The following CAMTA1 variants were observed in gnomAD, a reference collection of about 807,000 sequenced individuals.
CAMTA1 encodes calmodulin binding transcription activator 1.
CAMTA1 carries 27 observed loss-of-function variants against 170.9 expected under a neutral mutation model. The observed-to-expected ratio is 0.16, with a 90% CI of 0.12 to 0.22. CAMTA1 has a LOEUF of 0.22. Ranked by LOEUF, CAMTA1 falls within the 10% of genes least tolerant of loss-of-function variation. The pLI, the probability that CAMTA1 is intolerant of heterozygous loss-of-function variation, is 1.00. For missense variants in CAMTA1, 1,619 were observed against 2,217.2 expected (o/e 0.73, Z 5.42); for synonymous variants, 833 against 891.5 (o/e 0.93, Z 1.17).
At chr1:6,879,271 C>A (rs77773844) in intron 3 of CAMTA1, among the ~76,000 whole-genome samples, 12,105 of 152,182 alleles carry the variant, frequency 0.08, 718 homozygotes, top group East Asian at 0.25. Context: ...ACCCACAAGA[C>A]CCTGTGATGT....
chr1:7,607,970 A>G (rs1011050160), intron 6 of CAMTA1, among the ~76,000 whole-genome samples: 2 of 152,148 alleles, frequency 1.3e-5, no homozygotes, highest in Non-Finnish European at 2.9e-5. Flanking sequence ...CAGGTGTAGT[A>G]GAAGGTGTCC....
At chr1:7,021,868 C>T (rs548710337) in intron 3 of CAMTA1, among the ~76,000 whole-genome samples, 89 of 152,308 alleles carry the variant, frequency 5.8e-4, no homozygotes, top group African/African-American at 2.1e-3. Flanking sequence ...GCATTTCTTT[C>T]TGGGGTTTGA....
intron 3 of CAMTA1, among the ~76,000 whole-genome samples, chr1:6,894,896 G>T (rs913024206): frequency 1.3e-5 from 2 of 152,198 alleles, no homozygotes; most frequent in African/African-American, 4.8e-5. Context: ...TAAAAGCCTG[G>T]TAAAAGGAAG....
chr1:7,723,946 A>G (rs1027604540), intron 11 of CAMTA1, among the ~76,000 whole-genome samples: 1 of 152,108 alleles, frequency 6.6e-6, no homozygotes, highest in Non-Finnish European at 1.5e-5. Context: ...CAATCTCCCA[A>G]GTAGCTGGGA....
chr1:7,725,137 T>C (rs1004428895), intron 11 of CAMTA1, among the ~76,000 whole-genome samples: 1 of 152,138 alleles, frequency 6.6e-6, no homozygotes, highest in Non-Finnish European at 1.5e-5. Context: ...GTCAGAATGA[T>C]TGAGTTTTTG....
intron 3 of CAMTA1, among the ~76,000 whole-genome samples, chr1:6,854,743 T>C (rs1661665215): frequency 6.6e-6 from 1 of 152,100 alleles, no homozygotes; most frequent in African/African-American, 2.4e-5. Context: ...ACTAAATTAA[T>C]AGAGTAGAGC....
In CAMTA1 at chr1:7,195,621, C is replaced by T. The variant is rs918542583; in HGVS notation, c.303-53870C>T. Reference sequence around the variant, plus strand: ...GCACACTCACCTTCAGCCAGGTGCCCGCACTGCTCCTGAGACCACTCTGAC... The same window carrying T: ...GCACACTCACCTTCAGCCAGGTGCCTGCACTGCTCCTGAGACCACTCTGAC... On this transcript the variant is annotated intron_variant, in intron 4 of 22. Coordinates refer to ENST00000303635, the MANE Select transcript of CAMTA1 (RefSeq NM_015215.4). This position sits in a 1 kb window ranked among gnomAD's most constrained non-coding sequence, Gnocchi z 4.1. Among the ~76,000 whole-genome samples the T allele has an allele frequency of 8.5e-5, 13 of 152,192 alleles. No homozygotes were observed. Among genetic ancestry groups the T allele is most frequent in the East Asian group, 5.8e-4 (3 of 5,188 alleles).
At chr1:6,974,074 A>G (rs1426888457) in intron 3 of CAMTA1, among the ~76,000 whole-genome samples, 1 of 152,336 alleles carries the variant, frequency 6.6e-6, no homozygotes, top group East Asian at 1.9e-4. Context: ...GTCTGAAGAC[A>G]GACAGACAGG....
chr1:7,438,243 G>T (rs1211613316), intron 5 of CAMTA1, among the ~76,000 whole-genome samples: 1 of 152,162 alleles, frequency 6.6e-6, no homozygotes, highest in African/African-American at 2.4e-5. Flanking sequence ...CTTGAGACTG[G>T]GGTGAGGGGC....
intron 6 of CAMTA1, among the ~76,000 whole-genome samples, chr1:7,494,746 G>A (rs2093797941): frequency 6.6e-6 from 1 of 152,222 alleles, no homozygotes; most frequent in South Asian, 2.1e-4. Flanking sequence ...AGAGATTGCA[G>A]TGAGCAGAGA....
At chr1:7,072,231 T>C (rs1209147527) in intron 3 of CAMTA1, among the ~76,000 whole-genome samples, 2 of 152,212 alleles carry the variant, frequency 1.3e-5, no homozygotes, top group Non-Finnish European at 2.9e-5. Flanking sequence ...TGGGGGCTTA[T>C]ACCATCTTCC....
chr1:7,656,992 C>T (rs897378445), intron 7 of CAMTA1, among the ~76,000 whole-genome samples: 2 of 152,242 alleles, frequency 1.3e-5, no homozygotes, highest in African/African-American at 4.8e-5. Flanking sequence ...GATCCTCACA[C>T]AGGCCGCGCT....
chr1:7,297,407 C>A (rs1023640761), intron 5 of CAMTA1, among the ~76,000 whole-genome samples: 6 of 152,226 alleles, frequency 3.9e-5, no homozygotes, highest in African/African-American at 1.4e-4. Context: ...GTTCCTAAGG[C>A]CTGGCCTTTT....
chr1:7,694,926 C>G (rs879628772), intron 11 of CAMTA1: 1 of 152,170 alleles, frequency 6.6e-6, no homozygotes, highest in Non-Finnish European at 1.5e-5. Context: ...AATAATTCAC[C>G]CTTAAGGGAA....
intron 3 of CAMTA1, among the ~76,000 whole-genome samples, chr1:6,976,157 A>G (rs1026561264): frequency 3.3e-5 from 5 of 152,158 alleles, no homozygotes; most frequent in Non-Finnish European, 4.4e-5. Flanking sequence ...AAAACGAAAC[A>G]GTCAGTGCCT....
At chr1:7,277,389 T>C (rs1483931246) in intron 5 of CAMTA1, among the ~76,000 whole-genome samples, 1 of 152,116 alleles carries the variant, frequency 6.6e-6, no homozygotes, top group East Asian at 1.9e-4. Context: ...GAGGTAGATT[T>C]CAGGGTTCAG....
At chr1:7,498,193 T>TGTTG (rs1553182534) in intron 6 of CAMTA1, among the ~76,000 whole-genome samples, 51 of 147,954 alleles carry the variant, frequency 3.4e-4, no homozygotes, top group East Asian at 1.4e-3. Context: ...TGAGAGTGAG[T>TGTTG]GTGTGTGTGT....
At position 7,719,890 on chromosome 1, in the gene CAMTA1, G is replaced by A. The variant is rs144087919; in HGVS notation, c.2915-12558G>A. Among the ~76,000 whole-genome samples, 1,271 of 152,362 alleles carry A rather than the reference G, an allele frequency of 8.3e-3. 11 individuals carry two copies. Among genetic ancestry groups the A allele is most frequent in the African/African-American group, 0.028 (1,147 of 41,582 alleles). On this transcript the variant is annotated intron_variant, in intron 11 of 22. Coordinates refer to ENST00000303635, the MANE Select transcript of CAMTA1 (RefSeq NM_015215.4). ...CTCCTTTGCCTCCTCAGCTCTCCCT[G>A]CCAGGGCAGCCAAGGGCTGTAAGTG...
At chr1:6,945,705 T>G (rs1181141563) in intron 3 of CAMTA1, among the ~76,000 whole-genome samples, 1 of 152,178 alleles carries the variant, frequency 6.6e-6, no homozygotes, top group Non-Finnish European at 1.5e-5. Context: ...ATTTTCTGTC[T>G]CTATAGATTT....
Sources: gnomAD v4.1 joint callset for allele counts (sites outside exome capture counted in the v4.1 genomes callset) on GRCh38, gnomAD v4.1.1 for gene constraint, Gnocchi (gnomAD v3.1) non-coding constraint, MANE v1.5 for transcripts, NCBI Gene and HGNC (gene_info 2026-07-23, HGNC 2026-07-21) for gene names.